Variants in VAC14 observed in about 807,000 individuals in gnomAD.
VAC14 encodes the protein VAC14 component of PIKFYVE complex.
Under a neutral mutation model 85.3 loss-of-function variants are expected in VAC14, and 47 were observed. That is an observed-to-expected ratio of 0.55 (90% CI 0.44 to 0.70). The LOEUF (loss-of-function observed/expected upper bound fraction) is 0.70, where lower values mean the gene tolerates loss of function less well. VAC14 is among the 30% of genes least tolerant of loss of function. The pLI, the probability that VAC14 is intolerant of heterozygous loss-of-function variation, is 0.00. For missense variants in VAC14, 861 were observed against 1,004.3 expected (o/e 0.86, Z 1.93); for synonymous variants, 447 against 430.5 (o/e 1.04, Z -0.47).
chr16:70,716,910 T>C (rs1050040248), intron 14 of VAC14: 3 of 152,226 alleles, frequency 2.0e-5, no homozygotes, highest in African/African-American at 7.2e-5. Context: ...CATATACAGC[T>C]TCACCCTCCC....
intron 12 of VAC14, chr16:70,755,938 TC>T: frequency 2.2e-6 from 1 of 450,534 alleles, no homozygotes; most frequent in East Asian, 7.0e-5. Context: ...ACAGCACAGC[TC>T]GGGGGTTTGG....
At chr16:70,780,666 A>G (rs926037385) in intron 9 of VAC14, 124 bp downstream of exon 9, 24 of 1,268,060 alleles carry the variant, frequency 1.9e-5, no homozygotes, top group Admixed American at 4.7e-5. Context: ...TGCTGCTACA[A>G]TTGTGTGAGT....
At chr16:70,688,506 CA>C (rs1331613949) in intron 18 of VAC14, 1 of 988,100 alleles carries the variant, frequency 1.0e-6, no homozygotes, top group Admixed American at 6.1e-5. Flanking sequence ...CTCTGAGAGG[CA>C]GGGCTAGGAC....
Position 70,784,204 on chromosome 16 carries a change from C to A in VAC14, c.503G>T (p.Ser168Ile). 6.2e-7 allele frequency: 1 copy of A among 1,614,156 alleles called. No individual in the cohort carries two copies. The highest frequency in any genetic ancestry group is 1.3e-5 in the African/African-American group (1 of 75,054). Residue 168 changes from serine (S) to isoleucine (I), a missense_variant, in exon 5 of 19, where the codon AGC (serine) becomes ATC (isoleucine). Ser to Ile is a moderately radical substitution (Grantham distance 142, BLOSUM62 -2). Around this residue, in one of 3 missense-constraint regions of VAC14, gnomAD observed 629 missense variants for 703.1 expected, o/e 0.89. Transcript: ENST00000261776. The stretch of plus-strand genomic sequence containing the variant: ...GAAGCTCACCAGGTCAAACTTGTTG[C>A]TCTCAGTCACAATGTCCTGTGGATC... ...DRLLKDIVTE[S>I]NKFDLVSFIP...
chr16:70,714,343 G>GAT (rs1434617820), intron 14 of VAC14: 1 of 152,286 alleles, frequency 6.6e-6, no homozygotes, highest in African/African-American at 2.4e-5. Context: ...GGGGCACGCA[G>GAT]CTGAAGATCT....
At chr16:70,749,341 T>C (rs13335583) in intron 12 of VAC14, among the ~76,000 whole-genome samples, 2,905 of 152,396 alleles carry the variant, frequency 0.019, 100 homozygotes, top group African/African-American at 0.065. Flanking sequence ...CTGCATATTT[T>C]ACATTTTCAA....
At chr16:70,740,507 C>T (rs897308128) in intron 13 of VAC14, among the ~76,000 whole-genome samples, 4 of 152,252 alleles carry the variant, frequency 2.6e-5, no homozygotes, top group Admixed American at 2.0e-4. Flanking sequence ...ATCCCAGAGG[C>T]CTCCTCTGTC....
intron 14 of VAC14, among the ~76,000 whole-genome samples, chr16:70,719,800 G>A (rs1042850102): frequency 6.6e-6 from 1 of 151,970 alleles, no homozygotes; most frequent in South Asian, 2.1e-4. Context: ...AAGCACTTTG[G>A]ACAGTACCTC....
At chr16:70,708,905 C>A (rs2053974009) in intron 14 of VAC14, among the ~76,000 whole-genome samples, 1 of 152,214 alleles carries the variant, frequency 6.6e-6, no homozygotes, top group South Asian at 2.1e-4. Context: ...GACCTTCTTG[C>A]ATGCTGAATC....
intron 14 of VAC14, among the ~76,000 whole-genome samples, chr16:70,730,102 C>T (rs1044452858): frequency 6.6e-6 from 1 of 151,982 alleles, no homozygotes; most frequent in African/African-American, 2.4e-5. Context: ...CTCACTCTCT[C>T]CACATCAGTC....
At chr16:70,766,628 T>A (rs942833861) in intron 10 of VAC14, 2 of 427,328 alleles carry the variant, frequency 4.7e-6, no homozygotes, top group Non-Finnish European at 9.4e-6. Flanking sequence ...TCTGAGACCA[T>A]GAGGCCATGT....
At chr16:70,696,922 C>G (rs944932372) in intron 16 of VAC14, 25 of 496,742 alleles carry the variant, frequency 5.0e-5, no homozygotes, top group Non-Finnish European at 7.8e-5. Flanking sequence ...GCCAGCTCCC[C>G]CTCCAAGAGC....
At chr16:70,689,548 A>G (rs2053560437) in intron 18 of VAC14, 1 of 985,420 alleles carries the variant, frequency 1.0e-6, no homozygotes, top group Non-Finnish European at 1.2e-6. Flanking sequence ...TGGGGCCCGG[A>G]GGCGGCCTCC....
intron 13 of VAC14, among the ~76,000 whole-genome samples, chr16:70,735,060 A>T (rs1397715987): frequency 6.6e-6 from 1 of 152,136 alleles, no homozygotes; most frequent in African/African-American, 2.4e-5. Context: ...GATGGCATAA[A>T]GACGGAAACC....
intron 13 of VAC14, among the ~76,000 whole-genome samples, chr16:70,733,003 C>A (rs993673450): frequency 6.6e-6 from 1 of 152,164 alleles, no homozygotes; most frequent in African/African-American, 2.4e-5. Flanking sequence ...CATCCATATA[C>A]CATAAGGTTA....
At chr16:70,710,243 G>A (rs868222240) in intron 14 of VAC14, among the ~76,000 whole-genome samples, 1 of 152,250 alleles carries the variant, frequency 6.6e-6, no homozygotes, top group Non-Finnish European at 1.5e-5. Context: ...TGTGGCATCT[G>A]CAAGGGACAC....
At chr16:70,784,625 T>C (rs1390097468) in intron 4 of VAC14, 151 bp downstream of exon 4, 2 of 796,100 alleles carry the variant, frequency 2.5e-6, no homozygotes, top group Non-Finnish European at 4.2e-6. Flanking sequence ...CTCGATATTC[T>C]TGTCATAGAA....
intron 14 of VAC14, among the ~76,000 whole-genome samples, chr16:70,730,258 C>T (rs1415551967): frequency 6.6e-6 from 1 of 151,988 alleles, no homozygotes; most frequent in East Asian, 1.9e-4. Context: ...AACCCATTCG[C>T]CCCAGCAACA....
In VAC14 at chr16:70,697,263, G is replaced by T; in HGVS notation, c.1837-6C>A. 6.2e-7 allele frequency: 1 copy of T among 1,611,900 alleles called. No homozygotes were observed. The highest frequency in any genetic ancestry group is 1.3e-5 in the African/African-American group (1 of 75,040). On this transcript the variant is annotated splice_region_variant and splice_polypyrimidine_tract_variant and intron_variant, in intron 15 of 18. Coordinates refer to ENST00000261776, the MANE Select transcript of VAC14 (RefSeq NM_018052.5). ...CAGAACAGGTTCTGGCTCTCCTGTG[G>T]GGGAACAGGCATGAGCCGTGAGGAC...
Sources: allele counts gnomAD v4.1 joint callset (sites outside exome capture counted in the v4.1 genomes callset), GRCh38; gene constraint gnomAD v4.1.1; regional missense constraint gnomAD v4.1.1; transcripts MANE v1.5; gene names NCBI Gene and HGNC (gene_info 2026-07-23, HGNC 2026-07-21).